ACYP2: variants seen among roughly 807,000 people sequenced by gnomAD.
ACYP2 encodes the protein acylphosphatase 2.
A neutral mutation model predicts 11.2 loss-of-function variants in ACYP2; 12 were observed. The ratio of observed to expected loss-of-function variants is 1.08; its 90% CI spans 0.69 to 1.74. ACYP2 has a LOEUF of 1.74. ACYP2 is among the 40% of genes most tolerant of loss of function. The pLI is 0.00. For missense variants in ACYP2, 134 were observed against 101.9 expected (o/e 1.31, Z -1.35); for synonymous variants, 43 against 32.2 (o/e 1.33, Z -1.13).
chr2:54,086,594 T>C (rs1167780529), intron 4 of ACYP2, among the ~76,000 whole-genome samples: 1 of 152,254 alleles, frequency 6.6e-6, no homozygotes, highest in Non-Finnish European at 1.5e-5. Flanking sequence ...CCAGGTCTGT[T>C]TCCCTCATTT....
intron 2 of ACYP2, among the ~76,000 whole-genome samples, chr2:54,046,783 T>G (rs889898465): frequency 2.6e-5 from 4 of 152,186 alleles, no homozygotes; most frequent in Admixed American, 1.3e-4. Flanking sequence ...TTATTAATAA[T>G]TTTTGAATAA....
chr2:54,253,232 C>T (rs843706), intron 6 of ACYP2: 2 of 151,986 alleles, frequency 1.3e-5, no homozygotes, highest in South Asian at 4.1e-4. Flanking sequence ...TCCAGTCTTC[C>T]GCATCAGATA....
intron 6 of ACYP2, among the ~76,000 whole-genome samples, chr2:54,237,004 TAC>T (rs1320453748): frequency 4.6e-5 from 7 of 152,210 alleles, no homozygotes; most frequent in Admixed American, 1.3e-4. Context: ...ACTGAACACA[TAC>T]AGACTTTTTG....
intron 2 of ACYP2, among the ~76,000 whole-genome samples, chr2:53,990,011 G>C (rs72904908): frequency 0.42 from 58,748 of 140,960 alleles, 11,901 homozygotes; most frequent in South Asian, 0.53. Context: ...ATGGAGTCTT[G>C]CTCTGTTGCC....
At chr2:54,134,641 TTC>T (rs1456167496) in intron 4 of ACYP2, among the ~76,000 whole-genome samples, 19 of 152,368 alleles carry the variant, frequency 1.2e-4, no homozygotes, top group Admixed American at 8.5e-4. Flanking sequence ...AGTCTTCCTT[TTC>T]TCTTTTCATT....
intron 6 of ACYP2, among the ~76,000 whole-genome samples, chr2:54,185,562 T>A (rs778144735): frequency 6.6e-6 from 1 of 152,044 alleles, no homozygotes; most frequent in East Asian, 1.9e-4. Flanking sequence ...CAACAAAAAT[T>A]TAGAATGAGG....
intron 4 of ACYP2, among the ~76,000 whole-genome samples, chr2:54,085,229 C>T (rs892943107): frequency 6.6e-6 from 1 of 152,208 alleles, no homozygotes; most frequent in Non-Finnish European, 1.5e-5. Flanking sequence ...TTTCCTCCCA[C>T]GTTCCAAGGC....
At chr2:54,033,811 G>C (rs1474975443) in intron 2 of ACYP2, among the ~76,000 whole-genome samples, 2 of 152,322 alleles carry the variant, frequency 1.3e-5, no homozygotes, top group South Asian at 2.1e-4. Flanking sequence ...TCTGAAGTAA[G>C]GTGTTAGTAA....
At chr2:54,221,774 A>G (rs1685811900) in intron 6 of ACYP2, among the ~76,000 whole-genome samples, 1 of 152,088 alleles carries the variant, frequency 6.6e-6, no homozygotes, top group African/African-American at 2.4e-5. Context: ...CACTCGCCTC[A>G]GCCTCCCACA....
At chr2:54,018,774 G>C (rs370576572) in intron 2 of ACYP2, among the ~76,000 whole-genome samples, 54 of 152,184 alleles carry the variant, frequency 3.5e-4, no homozygotes, top group African/African-American at 1.3e-3. Context: ...TTTAGACAGA[G>C]TCTTACTCTG....
chr2:54,292,663 T>C (rs1689357887), intron 6 of ACYP2, among the ~76,000 whole-genome samples: 1 of 87,650 alleles, frequency 1.1e-5, no homozygotes, highest in Non-Finnish European at 2.3e-5. Context: ...TGTGTGTATA[T>C]ATGTATACAC....
chr2:54,281,896 A>T (rs1688863413), intron 6 of ACYP2, among the ~76,000 whole-genome samples: 2 of 152,168 alleles, frequency 1.3e-5, no homozygotes, highest in Non-Finnish European at 2.9e-5. Flanking sequence ...TCAGCTAATT[A>T]TTTTTTTAGA....
chr2:54,094,146 A>C (rs947913668), intron 4 of ACYP2, among the ~76,000 whole-genome samples: 2 of 152,150 alleles, frequency 1.3e-5, no homozygotes, highest in African/African-American at 4.8e-5. Context: ...AGGCCTCATG[A>C]AGGCAGGATC....
At chr2:54,068,763 C>G (rs543180473) in intron 4 of ACYP2, among the ~76,000 whole-genome samples, 4 of 152,162 alleles carry the variant, frequency 2.6e-5, no homozygotes, top group Non-Finnish European at 5.9e-5. Flanking sequence ...AGAATATAAT[C>G]TTACACAGGC....
chr2:54,003,830 C>T (rs1185378280), intron 2 of ACYP2, among the ~76,000 whole-genome samples: 2 of 152,168 alleles, frequency 1.3e-5, no homozygotes, highest in Non-Finnish European at 2.9e-5. Flanking sequence ...TTCCAAAGCG[C>T]CTATGCCATT....
At chr2:54,146,655 A>T (rs1175981459) in intron 6 of ACYP2, among the ~76,000 whole-genome samples, 3 of 151,594 alleles carry the variant, frequency 2.0e-5, no homozygotes, top group African/African-American at 4.9e-5. Flanking sequence ...CAACCTTTCT[A>T]TTATTTTTGT....
At chr2:53,976,433 C>T (rs984457723) in intron 2 of ACYP2, among the ~76,000 whole-genome samples, 2 of 152,164 alleles carry the variant, frequency 1.3e-5, no homozygotes, top group East Asian at 1.9e-4. Flanking sequence ...TCTTGAACTC[C>T]TGGACTCAAG....
At chr2:54,164,662 T>A (rs2090182) in intron 6 of ACYP2, among the ~76,000 whole-genome samples, 7,336 of 152,290 alleles carry the variant, frequency 0.048, 260 homozygotes, top group African/African-American at 0.093. Context: ...TTTGTCCTTT[T>A]GAGGTGCCTC....
At chr2:54,096,291 C>T (rs1167992526) in intron 4 of ACYP2, among the ~76,000 whole-genome samples, 1 of 136,678 alleles carries the variant, frequency 7.3e-6, no homozygotes, top group African/African-American at 2.8e-5. Flanking sequence ...CGGGCAGAGA[C>T]GCTCCTCACT....
Sources: allele counts gnomAD v4.1 joint callset (sites outside exome capture counted in the v4.1 genomes callset), GRCh38; gene constraint gnomAD v4.1.1; transcripts MANE v1.5; gene names NCBI Gene and HGNC (gene_info 2026-07-23, HGNC 2026-07-21).